DPF3: variants seen among roughly 807,000 people sequenced by gnomAD.
DPF3 encodes the protein zinc finger protein DPF3.
DPF3 carries 18 observed loss-of-function variants against 56.8 expected under a neutral mutation model. The ratio of observed to expected loss-of-function variants is 0.32; its 90% confidence interval spans 0.22 to 0.47. The LOEUF (loss-of-function observed/expected upper bound fraction) is 0.47, where lower values mean the gene tolerates loss of function less well. Ranked by LOEUF, DPF3 falls within the 20% of genes least tolerant of loss-of-function variation. The pLI is 1.00. For missense variants in DPF3, 403 were observed against 488.8 expected (o/e 0.82, Z 1.65); for synonymous variants, 188 against 180.2 (o/e 1.04, Z -0.35).
intron 8 of DPF3, among the ~76,000 whole-genome samples, chr14:72,672,634 G>A (rs983437377): frequency 2.0e-5 from 3 of 152,158 alleles, no homozygotes; most frequent in African/African-American, 7.2e-5. Context: ...GGAAAGCTGA[G>A]GGAAGGTTGT....
chr14:72,808,599 C>T (rs1368662350), intron 1 of DPF3, among the ~76,000 whole-genome samples: 5 of 152,124 alleles, frequency 3.3e-5, no homozygotes, highest in African/African-American at 1.2e-4. Flanking sequence ...AAATAGTTCG[C>T]CATTTACTCT....
At chr14:72,643,926 A>G (rs1285000042) in intron 8 of DPF3, among the ~76,000 whole-genome samples, 1 of 151,898 alleles carries the variant, frequency 6.6e-6, no homozygotes, top group African/African-American at 2.4e-5. Flanking sequence ...CCCCACCCCC[A>G]CTGGAGACCC....
intron 1 of DPF3, among the ~76,000 whole-genome samples, chr14:72,870,763 C>T (rs1003061436): frequency 3.9e-5 from 6 of 152,088 alleles, no homozygotes; most frequent in African/African-American, 1.4e-4. Context: ...AAAACAGGGT[C>T]ACTGCAAACA....
At chr14:72,872,176 G>A (rs1885926421) in intron 1 of DPF3, among the ~76,000 whole-genome samples, 1 of 152,146 alleles carries the variant, frequency 6.6e-6, no homozygotes, top group Non-Finnish European at 1.5e-5. Context: ...CTGGGACACA[G>A]GGCACCAAGT....
rs1225828963 is a variant in DPF3, at chr14:72,833,518, AG to A, written c.32+60538del. On this transcript the variant is annotated intron_variant, in intron 1 of 10. Coordinates refer to ENST00000556509, the MANE Select transcript of DPF3 (RefSeq NM_001280542.3). Reference sequence around the variant, plus strand: ...GCCAAGGGTGCAGAGGAGGTCAGCCAGAGAATTGGGGGCAAAACAAGAACTG... The same window carrying A: ...GCCAAGGGTGCAGAGGAGGTCAGCCAAGAATTGGGGGCAAAACAAGAACTG... Among the ~76,000 whole-genome samples, 4 of 152,296 alleles carry A rather than the reference AG, an allele frequency of 2.6e-5. No homozygotes were observed. In the East Asian group the frequency reaches 7.7e-4, roughly 29 times the overall value.
At chr14:72,718,950 T>C (rs1233752306) in intron 5 of DPF3, among the ~76,000 whole-genome samples, 1 of 151,794 alleles carries the variant, frequency 6.6e-6, no homozygotes, top group Admixed American at 6.6e-5. Context: ...TTTCATATTT[T>C]TAGTAGAGAC....
At chr14:72,772,013 A>G (rs1891554248) in intron 1 of DPF3, 120 bp from the exon 2 acceptor site, 1 of 1,149,552 alleles carries the variant, frequency 8.7e-7, no homozygotes, top group Non-Finnish European at 1.1e-6. Flanking sequence ...AGTTATGAAG[A>G]CCAAGGCAAT....
At chr14:72,740,142 C>T (rs976060700) in intron 3 of DPF3, among the ~76,000 whole-genome samples, 8 of 152,228 alleles carry the variant, frequency 5.3e-5, no homozygotes, top group South Asian at 2.1e-4. Context: ...GCTCTGAAGC[C>T]GGCCCATCTG....
chr14:72,831,139 G>A (rs1409867835), intron 1 of DPF3, among the ~76,000 whole-genome samples: 1 of 152,140 alleles, frequency 6.6e-6, no homozygotes, highest in Non-Finnish European at 1.5e-5. Flanking sequence ...TGAACAAAAG[G>A]AGCTATAAAA....
At chr14:72,887,152 A>AACACACACACACACAC (rs149200705) in intron 1 of DPF3, among the ~76,000 whole-genome samples, 2 of 138,138 alleles carry the variant, frequency 1.4e-5, no homozygotes, top group South Asian at 2.5e-4. Context: ...TCTGCCTCCA[A>AACACACACACACACAC]ACACACACAC....
chr14:72,818,361 A>C (rs1883380573), intron 1 of DPF3, among the ~76,000 whole-genome samples: 1 of 152,220 alleles, frequency 6.6e-6, no homozygotes, highest in Admixed American at 6.5e-5. Flanking sequence ...CCTGGACTTC[A>C]AAATTAAAAA....
intron 9 of DPF3, among the ~76,000 whole-genome samples, chr14:72,628,378 T>C (rs942462863): frequency 2.8e-5 from 4 of 143,016 alleles, no homozygotes; most frequent in Admixed American, 2.7e-4. Context: ...TCAAGCATTT[T>C]TTTCCTGCCA....
At chr14:72,752,220 A>G (rs1470555531) in intron 3 of DPF3, among the ~76,000 whole-genome samples, 3 of 152,218 alleles carry the variant, frequency 2.0e-5, no homozygotes, top group African/African-American at 7.2e-5. Context: ...ACCACTGAAC[A>G]GCACTGTCCC....
intron 1 of DPF3, among the ~76,000 whole-genome samples, chr14:72,849,357 G>A (rs892894842): frequency 6.6e-6 from 1 of 152,174 alleles, no homozygotes; most frequent in African/African-American, 2.4e-5. Context: ...CAAACACTCT[G>A]AGACCCAGGG....
intron 3 of DPF3, among the ~76,000 whole-genome samples, chr14:72,737,190 CA>C (rs1227470412): frequency 4.1e-5 from 6 of 145,732 alleles, no homozygotes; most frequent in Non-Finnish European, 9.0e-5. Context: ...CAAATAAAAG[CA>C]AAAAAACAAA....
At chr14:72,786,107 CA>C (rs1367256515) in intron 1 of DPF3, among the ~76,000 whole-genome samples, 3 of 151,914 alleles carry the variant, frequency 2.0e-5, no homozygotes, top group African/African-American at 7.3e-5. Context: ...ACTAAAAATA[CA>C]AAAAATTAGC....
chr14:72,701,001 GA>G (rs886551879), intron 6 of DPF3, among the ~76,000 whole-genome samples: 11 of 152,210 alleles, frequency 7.2e-5, no homozygotes, highest in African/African-American at 2.4e-4. Flanking sequence ...AAGAGGGTGG[GA>G]AAAGAAACAT....
chr14:72,680,824 C>T (rs1887133392), intron 7 of DPF3, among the ~76,000 whole-genome samples: 4 of 152,222 alleles, frequency 2.6e-5, no homozygotes, highest in Admixed American at 2.0e-4. Context: ...GGCCCCTAGG[C>T]CCGGGGTTTT....
chr14:72,636,861 G>T (rs1885399175), intron 8 of DPF3, among the ~76,000 whole-genome samples: 1 of 152,140 alleles, frequency 6.6e-6, no homozygotes, highest in Non-Finnish European at 1.5e-5. Context: ...ACAAAGAAGA[G>T]AAAGAGAATG....
Sources: gnomAD v4.1 joint callset for allele counts (sites outside exome capture counted in the v4.1 genomes callset) on GRCh38, gnomAD v4.1.1 for gene constraint, MANE v1.5 for transcripts, NCBI Gene and HGNC (gene_info 2026-07-23, HGNC 2026-07-21) for gene names.